The following STARD13 variants were observed in gnomAD, a reference collection of about 807,000 sequenced individuals.
STARD13 encodes the protein stAR-related lipid transfer protein 13.
In STARD13, 62 loss-of-function variants were observed where a neutral mutation model predicts 106.4. That is an observed-to-expected ratio of 0.58 (90% CI 0.48 to 0.72). The LOEUF (loss-of-function observed/expected upper bound fraction) is 0.72, where lower values mean the gene tolerates loss of function less well. Ranked by LOEUF, STARD13 falls within the 30% of genes least tolerant of loss-of-function variation. The pLI is 0.00. For synonymous variants in STARD13, 565 were observed against 553.0 expected (o/e 1.02, Z -0.31); for missense variants, 1,387 against 1,424.0 (o/e 0.97, Z 0.42).
the STARD13 span, among the ~76,000 whole-genome samples, chr13:33,398,954 A>G: frequency 6.6e-6 from 1 of 152,218 alleles, no homozygotes; most frequent in Non-Finnish European, 1.5e-5. Context: ...GTGAACGTTC[A>G]TAGCAGATTT....
At chr13:33,564,223 A>AG in the STARD13 span, among the ~76,000 whole-genome samples, 31 of 143,448 alleles carry the variant, frequency 2.2e-4, 2 homozygotes, top group African/African-American at 7.9e-4. Flanking sequence ...AAAAAAAAAA[A>AG]AAAAGAAAAG....
the STARD13 span, among the ~76,000 whole-genome samples, chr13:33,486,429 T>C: frequency 6.6e-6 from 1 of 152,196 alleles, no homozygotes; most frequent in Non-Finnish European, 1.5e-5. Context: ...AACTTATAAA[T>C]TGGGCACAGT....
At chr13:33,659,338 C>T in the STARD13 span, among the ~76,000 whole-genome samples, 1 of 151,564 alleles carries the variant, frequency 6.6e-6, no homozygotes, top group African/African-American at 2.4e-5. Flanking sequence ...GCCTCAGCCT[C>T]CTGAGTAGCT....
intron 1 of STARD13, among the ~76,000 whole-genome samples, chr13:33,268,417 A>ATATCCTT (rs1022736417): frequency 2.0e-5 from 3 of 152,310 alleles, no homozygotes; most frequent in Non-Finnish European, 4.4e-5. Flanking sequence ...CTGATGGTTA[A>ATATCCTT]TATCCTTTTT....
the STARD13 span, among the ~76,000 whole-genome samples, chr13:33,594,198 G>A: frequency 3.3e-5 from 5 of 152,082 alleles, no homozygotes; most frequent in Admixed American, 3.3e-4. Context: ...CCAATGAATA[G>A]CACCTACTTC....
the STARD13 span, among the ~76,000 whole-genome samples, chr13:33,650,604 A>G: frequency 6.6e-6 from 1 of 152,232 alleles, no homozygotes; most frequent in East Asian, 1.9e-4. Context: ...CTTGTGTAAA[A>G]GTAAAATTCA....
the STARD13 span, among the ~76,000 whole-genome samples, chr13:33,550,485 T>C: frequency 6.6e-6 from 1 of 152,220 alleles, no homozygotes; most frequent in Non-Finnish European, 1.5e-5. Context: ...ACAGTGATGT[T>C]TCATCAGCAT....
the STARD13 span, among the ~76,000 whole-genome samples, chr13:33,614,317 G>A: frequency 7.7e-6 from 1 of 129,704 alleles, no homozygotes; most frequent in Non-Finnish European, 1.7e-5. Flanking sequence ...ATTGGAATTA[G>A]AGTCTTTCCT....
the STARD13 span, among the ~76,000 whole-genome samples, chr13:33,662,649 T>A: frequency 3.4e-4 from 52 of 152,326 alleles, no homozygotes; most frequent in Admixed American, 1.2e-3. Context: ...CCCCTCTTTA[T>A]CAGACTGCAG....
the STARD13 span, among the ~76,000 whole-genome samples, chr13:33,423,304 A>G: frequency 6.6e-6 from 1 of 152,264 alleles, no homozygotes; most frequent in East Asian, 1.9e-4. Flanking sequence ...GATACTTCTC[A>G]AAAGAAGACA....
exon 1 of STARD13, chr13:33,350,546 G>T (rs1485909201): frequency 5.6e-6 from 8 of 1,432,492 alleles, no homozygotes; most frequent in African/African-American, 1.5e-5. Context: ...ATGCGGGCGC[G>T]ACATGGGTCG....
the STARD13 span, among the ~76,000 whole-genome samples, chr13:33,370,394 G>C: frequency 6.6e-6 from 1 of 152,014 alleles, no homozygotes; most frequent in Non-Finnish European, 1.5e-5. Context: ...TGGAGAATAG[G>C]GAACAATGGT....
chr13:33,105,798 C>T, intron 13 of STARD13, 88 bp from the exon 14 acceptor site: 1 of 1,113,286 alleles, frequency 9.0e-7, no homozygotes, highest in South Asian at 1.3e-5. Context: ...GCCCTTGGGC[C>T]CCGATGACCA....
Position 33,129,748 on chromosome 13 carries a change from T to C in STARD13, c.929A>G (p.Asp310Gly). The change falls in exon 5 of 14, where the codon GAT becomes GGT. Residue 310 changes from aspartate (D) to glycine (G), a missense_variant. Transcript: ENST00000336934. The part of the protein sequence containing the change: ...AMQCIQIPNG[D>G]LQNSPPPACR... ...GGCAGGTGGCGGCGAATTCTGGAGA[T>C]CTCCATTTGGTATTTGGATGCACTG... 1 of 1,614,092 alleles carries C rather than the reference T, an allele frequency of 6.2e-7. No homozygotes were observed. The highest frequency in any genetic ancestry group is 8.5e-7 in the Non-Finnish European group (1 of 1,180,024).
chr13:33,627,652 AT>A, the STARD13 span, among the ~76,000 whole-genome samples: 1 of 145,384 alleles, frequency 6.9e-6, no homozygotes, highest in African/African-American at 2.8e-5. Flanking sequence ...AAAAAAAAAA[AT>A]GTTCTTTTCT....
chr13:33,189,416 T>C (rs1886045675), intron 1 of STARD13, among the ~76,000 whole-genome samples: 2 of 48,680 alleles, frequency 4.1e-5, no homozygotes, highest in Non-Finnish European at 4.8e-5. Context: ...TCCTCCTGCT[T>C]TCCCTCCTTC....
chr13:33,508,913 G>A, the STARD13 span, among the ~76,000 whole-genome samples: 2 of 152,086 alleles, frequency 1.3e-5, no homozygotes, highest in African/African-American at 4.8e-5. Context: ...CTACTAACCT[G>A]TACAGCATGC....
At chr13:33,536,246 T>C in the STARD13 span, among the ~76,000 whole-genome samples, 11 of 152,334 alleles carry the variant, frequency 7.2e-5, no homozygotes, top group African/African-American at 2.4e-4. Flanking sequence ...AACATGCCAT[T>C]ACATCATACG....
chr13:33,309,181 G>C (rs1405924019), intron 1 of STARD13, among the ~76,000 whole-genome samples: 1 of 152,192 alleles, frequency 6.6e-6, no homozygotes, highest in Non-Finnish European at 1.5e-5. Context: ...GCTCTAGCCA[G>C]GTTGATAGAG....
Sources: allele counts gnomAD v4.1 joint callset (sites outside exome capture counted in the v4.1 genomes callset), GRCh38; gene constraint gnomAD v4.1.1; transcripts MANE v1.5; gene names NCBI Gene and HGNC (gene_info 2026-07-23, HGNC 2026-07-21).